The following YARS2 variants were observed in gnomAD, a reference collection of about 807,000 sequenced individuals.
The protein encoded by YARS2 is tyrosine--tRNA ligase, mitochondrial.
In YARS2, 38 loss-of-function variants were observed where a neutral mutation model predicts 45.0. The observed-to-expected ratio is 0.84, with a 90% CI of 0.65 to 1.11. The LOEUF is 1.11. YARS2 is among the 50% of genes least tolerant of loss of function. The probability of loss-of-function intolerance (pLI) is 0.00; values close to 1 mark genes in which losing one functional copy is unlikely to be tolerated. For missense variants in YARS2, 602 were observed against 599.8 expected (o/e 1.00, Z -0.04); for synonymous variants, 287 against 245.1 (o/e 1.17, Z -1.60).
chr12:32,751,520 A>AT (rs1254951248), intron 2 of YARS2, among the ~76,000 whole-genome samples: 1 of 152,176 alleles, frequency 6.6e-6, no homozygotes, highest in East Asian at 1.9e-4. Flanking sequence ...GCATGTGGCC[A>AT]TAAAAAAAAA....
At chr12:32,747,612 C>G (rs1955667888) in intron 4 of YARS2, among the ~76,000 whole-genome samples, 1 of 152,226 alleles carries the variant, frequency 6.6e-6, no homozygotes, top group Non-Finnish European at 1.5e-5. Context: ...TCTCAGCTCA[C>G]TGCAACCTCC....
Position 32,754,009 on chromosome 12 carries a change from C to A in YARS2, c.856G>T (p.Ala286Ser). 1 of 1,614,192 alleles carries A rather than the reference C, an allele frequency of 6.2e-7. No homozygotes were observed. The highest frequency in any genetic ancestry group is 8.5e-7 in the Non-Finnish European group (1 of 1,180,036). Residue 286 changes from alanine (A) to serine (S), a missense_variant, in exon 2 of 5, where the codon GCT becomes TCT. Transcript: ENST00000324868. ...CTGTTTAGCCAAACAGCGTTGCCAG[C>A]AGACTTTCCCAGCTTTGCTCCAGTT... ...STTGAKLGKS[A>S]GNAVWLNRDK...
rs143432850 is a variant in YARS2 at position 32,750,318 on chromosome 12, C to T, written c.1104-211G>A. On this transcript the variant is annotated intron_variant, in intron 3 of 4. Transcript: ENST00000324868. ...CCGGGTTCAGGCGATTCTCCTGCCT[C>T]AGCCTCCTGAGTAGCTGGGATTACA... Among the ~76,000 whole-genome samples, 2,783 of 152,222 alleles carry T rather than the reference C, an allele frequency of 0.018. 88 individuals are homozygous for T. The highest frequency in any genetic ancestry group is 0.064 in the African/African-American group (2,661 of 41,518).
At chr12:32,748,581 C>A (rs775875627) in intron 4 of YARS2, among the ~76,000 whole-genome samples, 1 of 152,114 alleles carries the variant, frequency 6.6e-6, no homozygotes, top group Non-Finnish European at 1.5e-5. Flanking sequence ...CAGAAGAAAA[C>A]GAAATCTGCT....
Position 32,750,040 on chromosome 12 carries a change from CTT to C in YARS2, c.1169_1170del (p.Lys390ArgfsTer4), listed in dbSNP as rs1276672786. 4 of 1,614,020 alleles carry C rather than the reference CTT, an allele frequency of 2.5e-6. No homozygotes were observed. Among genetic ancestry groups the C allele is most frequent in the African/African-American group, 2.7e-5 (2 of 75,028 alleles). On this transcript the variant is annotated frameshift_variant, in exon 4 of 5. Transcript: ENST00000324868. LOFTEE classifies it high-confidence loss of function. Reference protein sequence around the residue: ...ALEVMSDQELKELFKEAPFSE... With the variant: ...ALEVMSDQELXELFKEAPFSE... Reference sequence around the variant, plus strand: ...GAAAATGGAGCTTCTTTAAACAACTCTTTTAACTCCTGATCAGACATGACCTC... The same window carrying C: ...GAAAATGGAGCTTCTTTAAACAACTCTTAACTCCTGATCAGACATGACCTC...
At position 32,755,611 on chromosome 12, in the gene YARS2, A is replaced by G. The variant is rs1955833866; in HGVS notation, c.264T>C (p.His88=). ...CGFDPTADSL[H]VGHLLALLGL... Reference sequence around the variant, plus strand: ...CCAGCAGCGCAAGTAGATGACCCACATGAAGCGAGTCTGCCGTGGGGTCGA... The same window carrying G: ...CCAGCAGCGCAAGTAGATGACCCACGTGAAGCGAGTCTGCCGTGGGGTCGA... Residue 88 remains histidine (H), a synonymous_variant, in exon 1 of 5, where the codon CAT becomes CAC. Transcript: ENST00000324868. 1 of 1,614,060 alleles carries G rather than the reference A, an allele frequency of 6.2e-7. No individual in the cohort carries two copies. The highest frequency in any genetic ancestry group is 8.5e-7 in the Non-Finnish European group (1 of 1,179,960).
At chr12:32,748,119 A>T (rs1955677001) in intron 4 of YARS2, among the ~76,000 whole-genome samples, 1 of 152,180 alleles carries the variant, frequency 6.6e-6, no homozygotes, top group Non-Finnish European at 1.5e-5. Context: ...TCTGAATGTT[A>T]CCAAATAAAA....
chr12:32,748,801 G>GGGA (rs1000731028), intron 4 of YARS2, among the ~76,000 whole-genome samples: 2 of 145,956 alleles, frequency 1.4e-5, no homozygotes, highest in African/African-American at 5.2e-5. Context: ...ACAGTTGAAA[G>GGGA]AGAACAACTA....
rs774032188 is a variant in YARS2, at chr12:32,750,075, T to C, written c.1136A>G (p.Asp379Gly). 1.9e-6 allele frequency: 3 copies of C among 1,613,948 alleles called. No individual in the cohort carries two copies. Among genetic ancestry groups the C allele is most frequent in the Non-Finnish European group, 2.5e-6 (3 of 1,179,936 alleles). The change falls in exon 4 of 5, where the codon GAT becomes GGT. Residue 379 changes from aspartate (D) to glycine (G), a missense_variant. Coordinates refer to ENST00000324868, the MANE Select transcript of YARS2 (RefSeq NM_001040436.3). ...CTQALYHSSI[D>G]ALEVMSDQEL... Reference sequence around the variant, plus strand: ...CTGATCAGACATGACCTCCAGTGCATCTATGCTACTGTGATAAAGGGCTTG... The same window carrying C: ...CTGATCAGACATGACCTCCAGTGCACCTATGCTACTGTGATAAAGGGCTTG...
In YARS2 at chr12:32,755,165, C is replaced by T; in HGVS notation, c.710G>A (p.Gly237Glu). 6.2e-7 allele frequency: 1 copy of T among 1,614,212 alleles called. No homozygotes were observed. The highest frequency in any genetic ancestry group is 8.5e-7 in the Non-Finnish European group (1 of 1,180,048). ...AGATCCGCCCAGCTGGACCCTGCAT[C>T]CATAACGCTGGAAGAGGTAATAGAA... Reference protein sequence around the residue: ...YDFYYLFQRYGCRVQLGGSDQ... With the variant: ...YDFYYLFQRYECRVQLGGSDQ... Residue 237 changes from glycine to glutamate, a missense_variant, in exon 1 of 5, where the codon GGA becomes GAA. Gly to Glu is a moderately conservative substitution (Grantham distance 98). Coordinates refer to ENST00000324868, the MANE Select transcript of YARS2 (RefSeq NM_001040436.3).
chr12:32,747,457 C>T, intron 4 of YARS2, 94 bp from the exon 5 acceptor site: 1 of 1,317,868 alleles, frequency 7.6e-7, no homozygotes. Flanking sequence ...CAGAGGCTCT[C>T]CAATTGAGAA....
chr12:32,753,810 A>G, intron 2 of YARS2, 108 bp downstream of exon 2: 1 of 1,420,622 alleles, frequency 7.0e-7, no homozygotes, highest in Non-Finnish European at 9.9e-7. Context: ...TACAGACAGA[A>G]ACTACGTTAA....
At chr12:32,748,840 T>C (rs1955687783) in intron 4 of YARS2, among the ~76,000 whole-genome samples, 1 of 152,238 alleles carries the variant, frequency 6.6e-6, no homozygotes, top group Non-Finnish European at 1.5e-5. Context: ...ATCATGGCCA[T>C]GATATGGCCG....
chr12:32,753,037 G>A (rs532647586), intron 2 of YARS2, among the ~76,000 whole-genome samples: 2 of 152,098 alleles, frequency 1.3e-5, no homozygotes, highest in Non-Finnish European at 2.9e-5. Flanking sequence ...TATCTTGGCC[G>A]GGTGCGGGGG....
rs769207475 is a variant in YARS2, at chr12:32,755,773, G to A, written c.102C>T (p.Gly34=). ...TCTGCGCTGCCAGTAACCCCTGAGC[G>A]CCCGAGTGGGCCTTACGCAGCCCCA... ...LPLGLRKAHS[G]AQGLLAAQKA... is the part of the protein sequence containing the mutation. Residue 34 remains glycine, a synonymous_variant, in exon 1 of 5, where the codon GGC becomes GGT. Coordinates refer to ENST00000324868, the MANE Select transcript of YARS2 (RefSeq NM_001040436.3). The A allele has an allele frequency of 1.2e-6, 2 of 1,613,888 alleles. No homozygotes were observed. Among genetic ancestry groups the A allele is most frequent in the East Asian group, 2.2e-5 (1 of 44,874 alleles).
At position 32,747,009 on chromosome 12, in the gene YARS2, A is replaced by G. The variant is rs1252897549; in HGVS notation, c.*195T>C. On this transcript the variant is annotated 3_prime_UTR_variant, in exon 5 of 5. Transcript: ENST00000324868. Reference sequence around the variant, plus strand: ...TGGTAATCAAGCTTTGTACATCAGAAAATAAAACATCCCATTATTAAACAA... The same window carrying G: ...TGGTAATCAAGCTTTGTACATCAGAGAATAAAACATCCCATTATTAAACAA... 5.2e-6 allele frequency: 3 copies of G among 573,094 alleles called. No individual in the cohort carries two copies. The highest frequency in any genetic ancestry group is 9.1e-6 in the Non-Finnish European group (3 of 328,378). The allele number at this position is 573,094 out of a possible 1,614,324, so 35.5% of individuals were successfully genotyped here.
Position 32,755,436 on chromosome 12 carries a change from C to A in YARS2, c.439G>T (p.Gly147Trp). 1 of 1,613,310 alleles carries A rather than the reference C, an allele frequency of 6.2e-7. No homozygotes were observed. Among genetic ancestry groups the A allele is most frequent in the Non-Finnish European group, 8.5e-7 (1 of 1,179,836 alleles). Residue 147 changes from glycine to tryptophan, a missense_variant, in exon 1 of 5, where the codon GGG becomes TGG. By Grantham distance (184) the Gly-to-Trp change is radical (BLOSUM62 -2). Coordinates refer to ENST00000324868, the MANE Select transcript of YARS2 (RefSeq NM_001040436.3). ...VRANARALRL[G>W]LEALAANHQQ... ...TGATTAGCCGCCAGGGCCTCAAGCC[C>A]TAGGCGCAGAGCTCGCGCGTTGGCT...
At chr12:32,749,650 C>G (rs911720391) in intron 4 of YARS2, among the ~76,000 whole-genome samples, 1 of 152,024 alleles carries the variant, frequency 6.6e-6, no homozygotes, top group African/African-American at 2.4e-5. Context: ...GTGGGATCTC[C>G]GCTCACTGCA....
intron 4 of YARS2, 39 bp downstream of exon 4, chr12:32,749,898 G>A: frequency 6.2e-7 from 1 of 1,607,854 alleles, no homozygotes; most frequent in Non-Finnish European, 8.5e-7. Flanking sequence ...AACATTTAAT[G>A]GTGAATTAAC....
Sources: gnomAD v4.1 joint callset for allele counts (sites outside exome capture counted in the v4.1 genomes callset) on GRCh38, gnomAD v4.1.1 for gene constraint, MANE v1.5 for transcripts, NCBI Gene and HGNC (gene_info 2026-07-23, HGNC 2026-07-21) for gene names.